The following THSD4 variants were observed in gnomAD, a reference collection of about 807,000 sequenced individuals.
The protein encoded by THSD4 is thrombospondin type 1 domain containing 4, also known as thrombospondin type-1 domain-containing protein 4.
THSD4 carries 69 observed loss-of-function variants against 119.0 expected under a neutral mutation model. The ratio of observed to expected loss-of-function variants is 0.58; its 90% CI spans 0.48 to 0.71. The LOEUF is 0.71. THSD4 is among the 30% of genes least tolerant of loss of function. THSD4 has a pLI of 0.00. For missense variants in THSD4, 1,393 were observed against 1,391.1 expected, an observed-to-expected ratio of 1.00 and a Z score of -0.02; for synonymous variants, 524 against 540.4, an observed-to-expected ratio of 0.97 and a Z score of 0.42.
chr15:71,524,568 C>G (rs1366654691), intron 7 of THSD4, among the ~76,000 whole-genome samples: 1 of 148,152 alleles, frequency 6.7e-6, no homozygotes, highest in Non-Finnish European at 1.5e-5. Context: ...GAGCTAAGAG[C>G]CCTTCTTGGT....
intron 6 of THSD4, among the ~76,000 whole-genome samples, chr15:71,330,322 T>C (rs893456531): frequency 6.6e-6 from 1 of 152,178 alleles, no homozygotes; most frequent in East Asian, 1.9e-4. Context: ...GGGTATGACA[T>C]GTACTTTCTA....
chr15:71,676,384 C>T (rs756782102), intron 8 of THSD4, among the ~76,000 whole-genome samples: 1 of 152,020 alleles, frequency 6.6e-6, no homozygotes, highest in African/African-American at 2.4e-5. Flanking sequence ...CGGGTTCAAG[C>T]GATTCTCCTG....
chr15:71,534,795 A>C (rs746937963), intron 7 of THSD4, among the ~76,000 whole-genome samples: 1 of 152,182 alleles, frequency 6.6e-6, no homozygotes, highest in African/African-American at 2.4e-5. Flanking sequence ...CCTGGCCAAC[A>C]TGGTGAAACC....
chr15:71,249,585 T>G (rs1487123642), intron 5 of THSD4, among the ~76,000 whole-genome samples: 1 of 151,536 alleles, frequency 6.6e-6, no homozygotes, highest in Non-Finnish European at 1.5e-5. Context: ...AGAAAGTTGT[T>G]CTCTTATTGA....
intron 7 of THSD4, among the ~76,000 whole-genome samples, chr15:71,428,247 A>G (rs2046900066): frequency 6.6e-6 from 1 of 152,216 alleles, no homozygotes; most frequent in African/African-American, 2.4e-5. Context: ...TCACTTCTAC[A>G]GGTACTGTTC....
chr15:71,261,748 G>T (rs2044402749), intron 6 of THSD4, among the ~76,000 whole-genome samples: 1 of 152,306 alleles, frequency 6.6e-6, no homozygotes, highest in East Asian at 1.9e-4. Flanking sequence ...CCACTGAGAT[G>T]TTGAATCAAC....
chr15:71,626,763 A>G (rs1424526538), intron 7 of THSD4, among the ~76,000 whole-genome samples: 1 of 152,138 alleles, frequency 6.6e-6, no homozygotes, highest in East Asian at 1.9e-4. Context: ...TTTACTCAAG[A>G]TCATGACATT....
At chr15:71,389,516 A>C (rs2046343117) in intron 6 of THSD4, among the ~76,000 whole-genome samples, 1 of 147,596 alleles carries the variant, frequency 6.8e-6, no homozygotes. Flanking sequence ...TTTATATCAC[A>C]TTGTGTTTAC....
chr15:71,519,261 A>C (rs897735100), intron 7 of THSD4, among the ~76,000 whole-genome samples: 1 of 152,196 alleles, frequency 6.6e-6, no homozygotes, highest in Non-Finnish European at 1.5e-5. Flanking sequence ...GTGAGTGACA[A>C]TATAAGGTCA....
intron 7 of THSD4, among the ~76,000 whole-genome samples, chr15:71,442,660 G>GTGTATA: frequency 2.3e-4 from 6 of 25,818 alleles, no homozygotes; most frequent in African/African-American, 5.4e-4. Flanking sequence ...GTGTGTGTGT[G>GTGTATA]TATATATATA....
At chr15:71,110,981 G>C, upstream of THSD4, 6 of 674,606 alleles carry the variant, frequency 8.9e-6, no homozygotes, top group Non-Finnish European at 1.5e-5. Context: ...TGGACTGGAG[G>C]CTGCCAGCCC....
intron 6 of THSD4, among the ~76,000 whole-genome samples, chr15:71,352,092 C>T (rs7180789): frequency 0.99 from 151,063 of 152,340 alleles, 74,907 homozygotes; most frequent in Middle Eastern, 1. Flanking sequence ...AAAGAAAAGA[C>T]TGCCATGTCC....
intron 7 of THSD4, among the ~76,000 whole-genome samples, chr15:71,535,202 G>A (rs1449317066): frequency 1.3e-5 from 2 of 152,078 alleles, no homozygotes; most frequent in African/African-American, 4.8e-5. Flanking sequence ...TGCCTATACT[G>A]GACATTTCAT....
chr15:71,300,626 A>T (rs533053397), intron 6 of THSD4, among the ~76,000 whole-genome samples: 16 of 152,344 alleles, frequency 1.1e-4, no homozygotes, highest in Non-Finnish European at 1.8e-4. Context: ...CCTCAAAATT[A>T]TCCATGAAGA....
intron 6 of THSD4, among the ~76,000 whole-genome samples, chr15:71,345,761 T>G (rs1308851652): frequency 6.6e-6 from 1 of 151,482 alleles, no homozygotes; most frequent in Non-Finnish European, 1.5e-5. Flanking sequence ...TAGAGTGCCT[T>G]CGCCAGAATA....
chr15:71,387,704 T>G (rs757332688), intron 6 of THSD4, among the ~76,000 whole-genome samples: 9 of 152,224 alleles, frequency 5.9e-5, no homozygotes, highest in Non-Finnish European at 1.0e-4. Context: ...GAAATCTTTC[T>G]TGTTGATTGT....
At chr15:71,749,120 G>A (rs1483766729) in intron 14 of THSD4, among the ~76,000 whole-genome samples, 1 of 152,216 alleles carries the variant, frequency 6.6e-6, no homozygotes, top group East Asian at 1.9e-4. Flanking sequence ...GCAAAAGGAG[G>A]ATTTATATGA....
At chr15:71,317,933 C>T (rs111873848) in intron 6 of THSD4, among the ~76,000 whole-genome samples, 1,600 of 152,248 alleles carry the variant, frequency 0.011, 7 homozygotes, top group Middle Eastern at 0.02. Flanking sequence ...GGTATTTGGT[C>T]GGGGCTGAGT....
chr15:71,763,135 A>C (rs1324430552), intron 15 of THSD4, among the ~76,000 whole-genome samples: 2 of 152,178 alleles, frequency 1.3e-5, no homozygotes, highest in Non-Finnish European at 2.9e-5. Context: ...GATGGCAAAA[A>C]AGAAGACATA....
Sources: gnomAD v4.1 joint callset for allele counts (sites outside exome capture counted in the v4.1 genomes callset) on GRCh38, gnomAD v4.1.1 for gene constraint, MANE v1.5 for transcripts, NCBI Gene and HGNC (gene_info 2026-07-23, HGNC 2026-07-21) for gene names.